Variants in ANKS3 observed in about 807,000 individuals in gnomAD.
ANKS3 encodes ankyrin repeat and SAM domain-containing protein 3.
Under a neutral mutation model 80.7 loss-of-function variants are expected in ANKS3, and 62 were observed. That is an observed-to-expected ratio of 0.77 (90% CI 0.63 to 0.95). The LOEUF (loss-of-function observed/expected upper bound fraction) is 0.95, where lower values mean the gene tolerates loss of function less well. Ranked by LOEUF, ANKS3 falls within the 40% of genes least tolerant of loss-of-function variation. The pLI, the probability that ANKS3 is intolerant of heterozygous loss-of-function variation, is 0.00. For synonymous variants in ANKS3, 489 were observed against 355.3 expected (o/e 1.38, Z -4.23); for missense variants, 1,150 against 883.6 (o/e 1.30, Z -3.82).
At position 4,734,011 on chromosome 16, in the gene ANKS3, C is replaced by T; in HGVS notation, c.-144G>A. The T allele has an allele frequency of 2.0e-6, 2 of 985,408 alleles. No individual in the cohort carries two copies. Among genetic ancestry groups the T allele is most frequent in the Non-Finnish European group, 2.4e-6 (2 of 829,888 alleles). The allele number at this position is 985,408 out of a possible 1,614,324, so 61.0% of individuals were successfully genotyped here. ...TACGGCGCACAGGGCATTACTGTGC[C>T]CCCACCACAACCACATAAAGAAAAT... On this transcript the variant is annotated 5_prime_UTR_variant, in exon 1 of 18. Transcript: ENST00000304283.
intron 6 of ANKS3, among the ~76,000 whole-genome samples, chr16:4,715,660 C>A (rs904186536): frequency 3.9e-5 from 6 of 152,020 alleles, no homozygotes; most frequent in African/African-American, 1.4e-4. Flanking sequence ...AAAATGAGAC[C>A]AAAAAAATTA....
At chr16:4,723,778 T>C (rs1002265796) in intron 6 of ANKS3, among the ~76,000 whole-genome samples, 1 of 152,204 alleles carries the variant, frequency 6.6e-6, no homozygotes, top group Non-Finnish European at 1.5e-5. Flanking sequence ...TACAAGGTTC[T>C]GTGTGGACAG....
chr16:4,708,069 C>T (rs999510707), intron 7 of ANKS3, among the ~76,000 whole-genome samples: 3 of 151,980 alleles, frequency 2.0e-5, no homozygotes, highest in Admixed American at 2.0e-4. Context: ...GAGTCAAGAT[C>T]GCACTTGGGC....
At chr16:4,724,982 G>C (rs2081284155) in intron 5 of ANKS3, 151 bp from the exon 6 acceptor site, 7 of 620,012 alleles carry the variant, frequency 1.1e-5, no homozygotes, top group Non-Finnish European at 2.0e-5. Context: ...GGTGACATGA[G>C]AACAGTGAAT....
chr16:4,701,876 A>C, intron 9 of ANKS3: 1 of 545,036 alleles, frequency 1.8e-6, no homozygotes, highest in East Asian at 3.3e-5. Flanking sequence ...CCAAGCAAGG[A>C]GCTAAACCTG....
intron 7 of ANKS3, among the ~76,000 whole-genome samples, chr16:4,712,190 G>A (rs1222135132): frequency 6.6e-6 from 1 of 152,190 alleles, no homozygotes; most frequent in South Asian, 2.1e-4. Flanking sequence ...GGCCAACATG[G>A]TGAAACCCCG....
chr16:4,716,820 G>T (rs966254842), intron 6 of ANKS3, among the ~76,000 whole-genome samples: 1 of 151,842 alleles, frequency 6.6e-6, no homozygotes, highest in African/African-American at 2.4e-5. Context: ...GAGGCTGAGG[G>T]AGGAGAAATC....
chr16:4,715,276 C>G (rs529649670), intron 6 of ANKS3, among the ~76,000 whole-genome samples: 188 of 151,628 alleles, frequency 1.2e-3, no homozygotes, highest in South Asian at 3.7e-3. Context: ...CCCACCTCTA[C>G]AAGAAAAAAA....
chr16:4,704,292 A>T (rs1467542239), intron 8 of ANKS3, among the ~76,000 whole-genome samples: 1 of 152,100 alleles, frequency 6.6e-6, no homozygotes, highest in South Asian at 2.1e-4. Context: ...CCTGGCTGAA[A>T]CACTGTCTAC....
intron 8 of ANKS3, among the ~76,000 whole-genome samples, chr16:4,703,113 GC>G (rs2080005345): frequency 6.6e-6 from 1 of 152,004 alleles, no homozygotes; most frequent in African/African-American, 2.4e-5. Flanking sequence ...ATTTATCATT[GC>G]CCCCTAAACT....
At chr16:4,697,917 G>C in intron 15 of ANKS3, 60 bp downstream of exon 15, 1 of 1,411,588 alleles carries the variant, frequency 7.1e-7, no homozygotes, top group East Asian at 2.6e-5. Flanking sequence ...GGTCAAACCT[G>C]GCTTCAGGGC....
rs184933571 is a variant in ANKS3, at chr16:4,724,933, T to A, written c.492-102A>T. 4 of 920,802 alleles carry A rather than the reference T, an allele frequency of 4.3e-6. No homozygotes were observed. The East Asian group carries it at 1.1e-4, about 24-fold the overall frequency. 57.0% of individuals were successfully genotyped at this position (920,802 alleles called of 1,614,324 possible). Reference sequence around the variant, plus strand: ...CCCTGAGCAGTGCACGAGTCACCGATCCCTAAGCGTAGAACACTGTCCCTT... The same window carrying A: ...CCCTGAGCAGTGCACGAGTCACCGAACCCTAAGCGTAGAACACTGTCCCTT... On this transcript the variant is annotated intron_variant, in intron 5 of 17. Transcript: ENST00000304283.
chr16:4,713,135 G>A (rs1015082922), intron 7 of ANKS3, among the ~76,000 whole-genome samples: 42 of 152,266 alleles, frequency 2.8e-4, no homozygotes, highest in African/African-American at 9.9e-4. Context: ...GCCGGGCATG[G>A]TGGTGCACGC....
At chr16:4,703,474 G>A (rs1327928656) in intron 8 of ANKS3, among the ~76,000 whole-genome samples, 1 of 145,552 alleles carries the variant, frequency 6.9e-6, no homozygotes, top group Non-Finnish European at 1.5e-5. Flanking sequence ...AGACTGGAGT[G>A]CAGTGGCACA....
intron 7 of ANKS3, among the ~76,000 whole-genome samples, chr16:4,710,177 G>C (rs567899531): frequency 6.6e-6 from 1 of 152,288 alleles, no homozygotes; most frequent in South Asian, 2.1e-4. Context: ...ATTACAGATC[G>C]AAGAAAGAAG....
At chr16:4,706,915 G>A (rs1325635869) in intron 7 of ANKS3, among the ~76,000 whole-genome samples, 1 of 152,168 alleles carries the variant, frequency 6.6e-6, no homozygotes, top group Non-Finnish European at 1.5e-5. Context: ...GACAACTCAG[G>A]GCAGGCCAGC....
rs780507211 is a variant in ANKS3 at position 4,698,951 on chromosome 16, G to T, written c.1410-10C>A. 3 of 1,605,916 alleles carry T rather than the reference G, an allele frequency of 1.9e-6. No individual in the cohort carries two copies. Among genetic ancestry groups the T allele is most frequent in the African/African-American group, 1.3e-5 (1 of 74,804 alleles). On this transcript the variant is annotated splice_polypyrimidine_tract_variant and intron_variant, in intron 12 of 17. Transcript: ENST00000304283. ...CTTGGGCCCAAACAGCCTGCGGGGG[G>T]AATGTGACCAGGATATGCCTCAGCG...
At chr16:4,698,743 G>C (rs2079729496) in intron 13 of ANKS3, 57 bp downstream of exon 13, 1 of 1,556,194 alleles carries the variant, frequency 6.4e-7, no homozygotes, top group African/African-American at 1.4e-5. Flanking sequence ...TTCTGTCAGA[G>C]ATGGAGCCAA....
chr16:4,720,590 A>C lies in ANKS3; in HGVS notation c.573+4160T>G, dbSNP rs140397465. Among the ~76,000 whole-genome samples, 994 of 151,518 alleles carry C rather than the reference A, an allele frequency of 6.6e-3. 22 individuals are homozygous for C. Among genetic ancestry groups the C allele is most frequent in the African/African-American group, 0.022 (931 of 41,496 alleles). The stretch of plus-strand genomic sequence containing the variant: ...ACACAACAAAGACTCTACTTTGAAG[A>C]ACACATCCTAAGCTCCTGAAGAAAT... On this transcript the variant is annotated intron_variant, in intron 6 of 17. Coordinates refer to ENST00000304283, the MANE Select transcript of ANKS3 (RefSeq NM_133450.4).
Sources: allele counts gnomAD v4.1 joint callset (sites outside exome capture counted in the v4.1 genomes callset), GRCh38; gene constraint gnomAD v4.1.1; transcripts MANE v1.5; gene names NCBI Gene and HGNC (gene_info 2026-07-23, HGNC 2026-07-21).